Variants in CSN2 observed in about 807,000 individuals in gnomAD.
The protein encoded by CSN2 is casein beta.
CSN2 carries 27 observed loss-of-function variants against 27.3 expected under a neutral mutation model. The ratio of observed to expected loss-of-function variants is 0.99; its 90% CI spans 0.73 to 1.36. The LOEUF (loss-of-function observed/expected upper bound fraction) is 1.36, where lower values mean the gene tolerates loss of function less well. Among genes scored for constraint, CSN2 ranks in the 40% most tolerant of loss-of-function variants. CSN2 has a pLI of 0.00. For missense variants in CSN2, 333 were observed against 264.5 expected (o/e 1.26, Z -1.80); for synonymous variants, 131 against 94.8 (o/e 1.38, Z -2.22).
intron 1 of CSN2, among the ~76,000 whole-genome samples, chr4:69,963,768 A>G (rs1723698430): frequency 6.6e-6 from 1 of 152,146 alleles, no homozygotes; most frequent in Admixed American, 6.6e-5. Context: ...ATAAAATTTA[A>G]AAAAAGATTT....
At chr4:69,964,869 A>G (rs953465916) in intron 1 of CSN2, among the ~76,000 whole-genome samples, 26 of 150,624 alleles carry the variant, frequency 1.7e-4, no homozygotes, top group Non-Finnish European at 3.1e-4. Context: ...ACTCATTTCT[A>G]TACTATAAAT....
intron 1 of CSN2, among the ~76,000 whole-genome samples, 177 bp from the exon 2 acceptor site, chr4:69,961,184 A>G (rs950224956): frequency 1.3e-5 from 2 of 152,152 alleles, no homozygotes; most frequent in African/African-American, 4.8e-5. Flanking sequence ...CACATGAAGG[A>G]GGTCAAAATC....
At chr4:69,965,557 A>G (rs2109751492) in intron 1 of CSN2, among the ~76,000 whole-genome samples, 124 bp downstream of exon 1, 1 of 151,370 alleles carries the variant, frequency 6.6e-6, no homozygotes, top group South Asian at 2.1e-4. Context: ...TAATCTCAGT[A>G]CTACCTTAAA....
chr4:69,964,017 A>T (rs1401396116), intron 1 of CSN2, among the ~76,000 whole-genome samples: 2 of 152,190 alleles, frequency 1.3e-5, no homozygotes, highest in Non-Finnish European at 2.9e-5. Context: ...CCTCATTTCC[A>T]ATAAGACTGA....
chr4:69,958,806 A>G (rs1009271667), intron 5 of CSN2, 103 bp downstream of exon 5: 2 of 772,174 alleles, frequency 2.6e-6, no homozygotes, highest in Non-Finnish European at 4.0e-6. Flanking sequence ...TATGGCATTT[A>G]TTTTATTATC....
Position 69,957,489 on chromosome 4 carries a change from G to T in CSN2, c.460C>A (p.Pro154Thr). The T allele has an allele frequency of 6.2e-7, 1 of 1,613,880 alleles. No homozygotes were observed. The highest frequency in any genetic ancestry group is 8.5e-7 in the Non-Finnish European group (1 of 1,179,988). ...PLLQPLMQQV[P>T]QPIPQTLALP... The stretch of plus-strand genomic sequence containing the variant: ...GCAAGAGTCTGAGGAATAGGCTGAG[G>T]GACCTGCTGCATCAAGGGCTGGAGC... Residue 154 changes from proline to threonine, a missense_variant, in exon 6 of 8, where the codon CCT becomes ACT. Coordinates refer to ENST00000353151, the MANE Select transcript of CSN2 (RefSeq NM_001891.4).
chr4:69,959,899 G>T (rs1451622183), intron 3 of CSN2, among the ~76,000 whole-genome samples, 154 bp downstream of exon 3: 1 of 151,616 alleles, frequency 6.6e-6, no homozygotes, highest in Non-Finnish European at 1.5e-5. Flanking sequence ...GTATTATCCA[G>T]ATACTTATTG....
In CSN2 at chr4:69,958,982, T is replaced by C. The variant is rs1157196718; in HGVS notation, c.100-29A>G. The C allele has an allele frequency of 5.7e-6, 9 of 1,570,898 alleles. No homozygotes were observed. In the Admixed American group the frequency reaches 6.9e-5, roughly 12 times the overall value. ...AAGATATATCATATATAAAGATATGTTACCATCTGTAAAGATTAAAAGGAG... is the reference window on the plus strand; with the variant it reads ...AAGATATATCATATATAAAGATATGCTACCATCTGTAAAGATTAAAAGGAG... On this transcript the variant is annotated intron_variant, in intron 4 of 7. Coordinates refer to ENST00000353151, the MANE Select transcript of CSN2 (RefSeq NM_001891.4).
chr4:69,956,423 TA>T (rs1168074197), intron 6 of CSN2, 68 bp from the exon 7 acceptor site: 1 of 1,220,838 alleles, frequency 8.2e-7, no homozygotes, highest in Non-Finnish European at 1.1e-6. Context: ...AAGAATGTTG[TA>T]AGTAGTGAAA....
At position 69,957,564 on chromosome 4, in the gene CSN2, G is replaced by A. The variant is rs996665461; in HGVS notation, c.385C>T (p.Gln129Ter). ...KSPTIPFFDPQIPKLTDLENL... is the reference protein window; with the variant it reads ...KSPTIPFFDP Reference sequence around the variant, plus strand: ...TCAAGATCAGTGAGTTTTGGGATTTGAGGGTCAAAAAAGGGTATCGTTGGA... The same window carrying A: ...TCAAGATCAGTGAGTTTTGGGATTTAAGGGTCAAAAAAGGGTATCGTTGGA... The change falls in exon 6 of 8, where the codon CAA (glutamine) becomes TAA (stop). Residue 129 changes from glutamine (Q) to a stop codon, truncating the protein, a stop_gained. Coordinates refer to ENST00000353151, the MANE Select transcript of CSN2 (RefSeq NM_001891.4). LOFTEE classifies it high-confidence loss of function. 1 of 1,613,792 alleles carries A rather than the reference G, an allele frequency of 6.2e-7. No homozygotes were observed.
chr4:69,964,279 C>T (rs1026827317), intron 1 of CSN2, among the ~76,000 whole-genome samples: 1 of 152,070 alleles, frequency 6.6e-6, no homozygotes, highest in Non-Finnish European at 1.5e-5. Context: ...TTGGGACTAC[C>T]TCTTCTTGTG....
At chr4:69,957,914 G>C in intron 5 of CSN2, 110 bp from the exon 6 acceptor site, 1 of 1,012,196 alleles carries the variant, frequency 9.9e-7, no homozygotes, top group Non-Finnish European at 1.4e-6. Context: ...AAAGAGAGGA[G>C]AAAATATTTC....
At position 69,957,460 on chromosome 4, in the gene CSN2, A is replaced by G. The variant is rs761889094; in HGVS notation, c.489T>C (p.Leu163=). The G allele has an allele frequency of 6.2e-7, 1 of 1,613,674 alleles. No homozygotes were observed. The highest frequency in any genetic ancestry group is 2.2e-5 in the East Asian group (1 of 44,850). Residue 163 remains leucine (L), a synonymous_variant, in exon 6 of 8, where the codon CTT becomes CTC. Transcript: ENST00000353151. ...GAACAGACCACAGGGGCTGAGGGGG[A>G]AGTGCAAGAGTCTGAGGAATAGGCT... ...VPQPIPQTLA[L]PPQPLWSVPQ... is the part of the protein sequence containing the mutation.
intron 5 of CSN2, 22 bp from the exon 6 acceptor site, chr4:69,957,826 CTT>C (rs747792908): frequency 1.1e-5 from 17 of 1,593,048 alleles, no homozygotes; most frequent in South Asian, 3.4e-5. Flanking sequence ...GAAAAAGAAT[CTT>C]TGAGTCCTTG....
intron 7 of CSN2, among the ~76,000 whole-genome samples, chr4:69,956,085 C>A (rs996988034): frequency 2.6e-5 from 4 of 151,772 alleles, no homozygotes; most frequent in African/African-American, 9.7e-5. Context: ...TGAAAGCAAG[C>A]CAGTCAAATC....
intron 7 of CSN2, among the ~76,000 whole-genome samples, 168 bp from the exon 8 acceptor site, chr4:69,955,760 G>A (rs1723375546): frequency 6.6e-6 from 1 of 152,022 alleles, no homozygotes; most frequent in Non-Finnish European, 1.5e-5. Flanking sequence ...CTTCACCAAA[G>A]TTCATCAAAT....
intron 1 of CSN2, among the ~76,000 whole-genome samples, chr4:69,962,349 G>A (rs1261416476): frequency 6.6e-6 from 1 of 152,152 alleles, no homozygotes; most frequent in Non-Finnish European, 1.5e-5. Context: ...CAAGGCTACA[G>A]TAACCAAAAC....
chr4:69,957,816 G>A lies in CSN2; in HGVS notation c.145-12C>T. 6.2e-7 allele frequency: 1 copy of A among 1,601,210 alleles called. No homozygotes were observed. Among genetic ancestry groups the A allele is most frequent in the Admixed American group, 1.7e-5 (1 of 57,778 alleles). On this transcript the variant is annotated splice_polypyrimidine_tract_variant and intron_variant, in intron 5 of 7. Coordinates refer to ENST00000353151, the MANE Select transcript of CSN2 (RefSeq NM_001891.4). Reference sequence around the variant, plus strand: ...TCCTGGTGTTCATCCTGGAAAGAAGGAAAAAGAATCTTTGAGTCCTTGATT... The same window carrying A: ...TCCTGGTGTTCATCCTGGAAAGAAGAAAAAAGAATCTTTGAGTCCTTGATT...
Position 69,958,944 on chromosome 4 carries a change from C to T in CSN2, c.109G>A (p.Glu37Lys), listed in dbSNP as rs1723485648. 2 of 1,598,236 alleles carry T rather than the reference C, an allele frequency of 1.3e-6. No individual in the cohort carries two copies. The highest frequency in any genetic ancestry group is 2.2e-5 in the East Asian group (1 of 44,446). ...ESITEYKQKVEKVKHEDQQQG... is the reference protein window; with the variant it reads ...ESITEYKQKVKKVKHEDQQQG... ...TGCTGGTCCTCATGTTTAACCTTCTCAACTTTCTGCTAAAGATATATCATA... is the reference window on the plus strand; with the variant it reads ...TGCTGGTCCTCATGTTTAACCTTCTTAACTTTCTGCTAAAGATATATCATA... The change falls in exon 5 of 8, where the codon GAG becomes AAG. Residue 37 changes from glutamate to lysine, a missense_variant. Coordinates refer to ENST00000353151, the MANE Select transcript of CSN2 (RefSeq NM_001891.4).
Sources: allele counts gnomAD v4.1 joint callset (sites outside exome capture counted in the v4.1 genomes callset), GRCh38; gene constraint gnomAD v4.1.1; transcripts MANE v1.5; gene names NCBI Gene and HGNC (gene_info 2026-07-23, HGNC 2026-07-21).